PACRG: variants seen among roughly 807,000 people sequenced by gnomAD.
The protein encoded by PACRG is parkin coregulated.
A neutral mutation model predicts 29.7 loss-of-function variants in PACRG; 29 were observed. The ratio of observed to expected loss-of-function variants is 0.98; its 90% confidence interval spans 0.73 to 1.33. The LOEUF is 1.33. Ranked by LOEUF, PACRG falls within the 40% of genes most tolerant of loss-of-function variation. PACRG has a pLI of 0.00. For missense variants in PACRG, 279 were observed against 316.2 expected (o/e 0.88, Z 0.89); for synonymous variants, 116 against 118.7 (o/e 0.98, Z 0.15).
At chr6:162,947,359 A>ATATC (rs376521730) in intron 2 of PACRG, among the ~76,000 whole-genome samples, 2 of 36,702 alleles carry the variant, frequency 5.4e-5, no homozygotes, top group African/African-American at 2.1e-4. Flanking sequence ...ACATATATAT[A>ATATC]ATGTAATCAT....
chr6:163,292,089 G>A (rs1057145391), intron 4 of PACRG, among the ~76,000 whole-genome samples: 1 of 152,078 alleles, frequency 6.6e-6, no homozygotes, highest in African/African-American at 2.4e-5. Flanking sequence ...GGGATAGAGA[G>A]AAGGCAGGAG....
At chr6:163,174,629 C>T (rs1287170127) in intron 4 of PACRG, among the ~76,000 whole-genome samples, 1 of 152,196 alleles carries the variant, frequency 6.6e-6, no homozygotes, top group African/African-American at 2.4e-5. Context: ...GCAGGAGAAT[C>T]CCAGACTCGT....
intron 2 of PACRG, among the ~76,000 whole-genome samples, chr6:163,006,257 T>C (rs2147654): frequency 0.35 from 49,649 of 143,346 alleles, 9,478 homozygotes; most frequent in East Asian, 0.68. Context: ...TATTTTGATA[T>C]GGGCATACAA....
At chr6:162,819,810 G>C (rs143899911) in intron 2 of PACRG, among the ~76,000 whole-genome samples, 32 of 152,176 alleles carry the variant, frequency 2.1e-4, no homozygotes, top group African/African-American at 7.0e-4. Context: ...TAAATTATGA[G>C]CATTCAAATA....
rs554092265 is a variant in PACRG at position 163,062,419 on chromosome 6, C to T, written c.463+98C>T. On this transcript the variant is annotated intron_variant, in intron 3 of 4. Transcript: ENST00000366888. ...TAAACCATGACAGACTGAGGTGATC[C>T]CCAGTTTTGCAGGAATTTTCATAAA... is the stretch of plus-strand genomic sequence containing the variant. The T allele has an allele frequency of 1.4e-5, 19 of 1,321,448 alleles. No individual in the cohort carries two copies. In the South Asian group the frequency reaches 3.0e-4, roughly 21 times the overall value. 81.9% of individuals were successfully genotyped at this position (1,321,448 alleles called of 1,614,324 possible). A position where few individuals can be genotyped will look rare whatever the true frequency, so the allele number is the denominator to read the frequency against.
intron 2 of PACRG, among the ~76,000 whole-genome samples, chr6:162,856,371 G>A (rs1791398515): frequency 6.6e-6 from 1 of 152,124 alleles, no homozygotes; most frequent in African/African-American, 2.4e-5. Flanking sequence ...AAACTGCATT[G>A]TGCATATAGC....
intron 2 of PACRG, among the ~76,000 whole-genome samples, chr6:162,844,451 G>A (rs530477338): frequency 2.0e-5 from 3 of 152,298 alleles, no homozygotes; most frequent in African/African-American, 7.2e-5. Context: ...GCCCTGCTTC[G>A]GCTCGCGCAT....
intron 2 of PACRG, among the ~76,000 whole-genome samples, chr6:162,896,095 G>A (rs939807064): frequency 6.6e-6 from 1 of 152,154 alleles, no homozygotes; most frequent in Non-Finnish European, 1.5e-5. Flanking sequence ...AAGCCGAAAG[G>A]ATCACTGATT....
chr6:162,884,454 T>C (rs1794164493), intron 2 of PACRG, among the ~76,000 whole-genome samples: 1 of 152,188 alleles, frequency 6.6e-6, no homozygotes, highest in Non-Finnish European at 1.5e-5. Context: ...ATGATAGATA[T>C]AGACAGTAAA....
intron 2 of PACRG, among the ~76,000 whole-genome samples, chr6:162,896,728 C>G (rs755100295): frequency 5.3e-5 from 8 of 152,154 alleles, no homozygotes; most frequent in Non-Finnish European, 8.8e-5. Context: ...ATTTAGTAAG[C>G]AAGCGGTCTG....
chr6:162,963,537 T>A (rs1008058534), intron 2 of PACRG, among the ~76,000 whole-genome samples: 1 of 151,500 alleles, frequency 6.6e-6, no homozygotes, highest in Admixed American at 6.6e-5. Context: ...ATACAAATAA[T>A]GTGTATTTAT....
At chr6:163,227,364 G>A (rs1440908769) in intron 4 of PACRG, among the ~76,000 whole-genome samples, 1 of 152,096 alleles carries the variant, frequency 6.6e-6, no homozygotes, top group Non-Finnish European at 1.5e-5. Context: ...CAGCCATGAG[G>A]CATCCACCCC....
At chr6:162,733,749 T>A (rs182973633) in intron 1 of PACRG, among the ~76,000 whole-genome samples, 1 of 152,314 alleles carries the variant, frequency 6.6e-6, no homozygotes, top group Non-Finnish European at 1.5e-5. Context: ...CTGAAATGCA[T>A]TTTACCCTGT....
At chr6:163,034,637 C>G (rs982060246) in intron 2 of PACRG, among the ~76,000 whole-genome samples, 6 of 152,142 alleles carry the variant, frequency 3.9e-5, no homozygotes, top group Admixed American at 1.3e-4. Flanking sequence ...CCAATCAGTG[C>G]CATAGTCTCT....
At chr6:162,765,930 A>G (rs1390509558) in intron 1 of PACRG, among the ~76,000 whole-genome samples, 2 of 151,938 alleles carry the variant, frequency 1.3e-5, no homozygotes, top group Non-Finnish European at 2.9e-5. Flanking sequence ...AAGAAGTTTT[A>G]TTTTATTTTT....
intron 2 of PACRG, among the ~76,000 whole-genome samples, chr6:162,898,948 C>T (rs1228938477): frequency 1.3e-5 from 2 of 152,148 alleles, no homozygotes; most frequent in African/African-American, 4.8e-5. Flanking sequence ...TATCTAGACA[C>T]ATTATTTAAC....
chr6:162,773,326 G>T (rs184519800), intron 1 of PACRG, among the ~76,000 whole-genome samples: 58 of 152,156 alleles, frequency 3.8e-4, no homozygotes, highest in Middle Eastern at 3.4e-3. Context: ...TTTCATAAAT[G>T]ATTATAGCTT....
chr6:162,872,656 G>A (rs1792925202), intron 2 of PACRG, among the ~76,000 whole-genome samples: 1 of 152,122 alleles, frequency 6.6e-6, no homozygotes, highest in South Asian at 2.1e-4. Flanking sequence ...AAAGAAGAGG[G>A]AGGGAGGGAG....
chr6:162,922,736 A>G (rs934109157), intron 2 of PACRG, among the ~76,000 whole-genome samples: 5 of 152,158 alleles, frequency 3.3e-5, no homozygotes, highest in African/African-American at 1.2e-4. Flanking sequence ...GTTGCTGTGA[A>G]TAATAGGATT....
Sources: gnomAD v4.1 joint callset for allele counts (sites outside exome capture counted in the v4.1 genomes callset) on GRCh38, gnomAD v4.1.1 for gene constraint, MANE v1.5 for transcripts, NCBI Gene and HGNC (gene_info 2026-07-23, HGNC 2026-07-21) for gene names.